Variants in VIRMA observed in about 807,000 individuals in gnomAD.
The protein encoded by VIRMA is protein virilizer homolog.
VIRMA carries 65 observed loss-of-function variants against 182.4 expected under a neutral mutation model. The ratio of observed to expected loss-of-function variants is 0.36; its 90% CI spans 0.29 to 0.44. VIRMA has a LOEUF of 0.44. Ranked by LOEUF, VIRMA falls within the 20% of genes least tolerant of loss-of-function variation. The pLI is 1.00. For synonymous variants in VIRMA, 709 were observed against 743.1 expected (o/e 0.95, Z 0.75); for missense variants, 1,752 against 2,158.1 (o/e 0.81, Z 3.73).
intron 1 of VIRMA, among the ~76,000 whole-genome samples, chr8:94,552,841 G>A (rs558715552): frequency 1.3e-5 from 2 of 152,242 alleles, no homozygotes; most frequent in South Asian, 2.1e-4. Flanking sequence ...CCTAATGTGT[G>A]AAATCTCTCC....
intron 11 of VIRMA, chr8:94,512,386 AT>A (rs1814410228): frequency 1.8e-5 from 3 of 162,686 alleles, no homozygotes; most frequent in Admixed American, 1.3e-4. Context: ...AAAGAAATGT[AT>A]GAAACTCCCT....
chr8:94,521,040 CTCTTT>C (rs1165979897), intron 8 of VIRMA, among the ~76,000 whole-genome samples: 1 of 78,572 alleles, frequency 1.3e-5, no homozygotes, highest in Non-Finnish European at 2.5e-5. Context: ...ACTTTTTTAT[CTCTTT>C]TTTTTTTTTA....
chr8:94,511,598 T>G lies in VIRMA; in HGVS notation c.2977A>C (p.Met993Leu), dbSNP rs749361743. 6.8e-6 allele frequency: 11 copies of G among 1,614,142 alleles called. No homozygotes were observed. The highest frequency in any genetic ancestry group is 2.2e-5 in the East Asian group (1 of 44,878). Reference protein sequence around the residue: ...LTQPWRLHVNMGTTLHRVTTI... With the variant: ...LTQPWRLHVNLGTTLHRVTTI... Reference sequence around the variant, plus strand: ...GTAACTCTGTGAAGGGTAGTCCCCATGTTGACATGGAGCCTCCAAGGCTGA... The same window carrying G: ...GTAACTCTGTGAAGGGTAGTCCCCAGGTTGACATGGAGCCTCCAAGGCTGA... Residue 993 changes from methionine to leucine, a missense_variant, in exon 13 of 24, where the codon ATG becomes CTG. By Grantham distance (15) the Met-to-Leu change is conservative. This residue lies in a region of VIRMA where 777 missense variants were observed against 920.6 expected (regional missense o/e 0.84). Transcript: ENST00000297591.
rs369048370 is a variant in VIRMA at position 94,496,306 on chromosome 8, G to A, written c.4383+22C>T. 66 of 1,599,220 alleles carry A rather than the reference G, an allele frequency of 4.1e-5. 1 individual carries two copies. The East Asian group carries it at 1.1e-3, about 28-fold the overall frequency. ...TGAGAGGAAAATAGGCCTTAAGAACGCTCTGTTTTTTTCTTTTTTACCAAA... is the reference window on the plus strand; with the variant it reads ...TGAGAGGAAAATAGGCCTTAAGAACACTCTGTTTTTTTCTTTTTTACCAAA... On this transcript the variant is annotated intron_variant, in intron 18 of 23. Coordinates refer to ENST00000297591, the MANE Select transcript of VIRMA (RefSeq NM_015496.5).
At chr8:94,544,752 G>T (rs1294904653) in intron 1 of VIRMA, among the ~76,000 whole-genome samples, 2 of 151,832 alleles carry the variant, frequency 1.3e-5, no homozygotes, top group South Asian at 4.2e-4. Flanking sequence ...TTCAGGGTAG[G>T]GTTTTGTGTT....
Position 94,553,391 on chromosome 8 carries a change from G to C in VIRMA, c.57C>G (p.Ser19Arg), listed in dbSNP as rs754095631. ...LLFLDTFKHP[S>R]AEQSSHIDVV... ...TCAAGTCGCCAAGCCTTACCTCAGCGCTCGGGTGTTTAAAAGTATCTAAAA... is the reference window on the plus strand; with the variant it reads ...TCAAGTCGCCAAGCCTTACCTCAGCCCTCGGGTGTTTAAAAGTATCTAAAA... The change falls in exon 1 of 24, where the codon AGC becomes AGG. Residue 19 changes from serine (S) to arginine (R), a missense_variant. Coordinates refer to ENST00000297591, the MANE Select transcript of VIRMA (RefSeq NM_015496.5). The C allele has an allele frequency of 4.3e-6, 7 of 1,614,086 alleles. No homozygotes were observed. In the Admixed American group the frequency reaches 8.3e-5, roughly 19 times the overall value.
At chr8:94,502,626 A>C (rs1044097241) in intron 16 of VIRMA, among the ~76,000 whole-genome samples, 4 of 152,118 alleles carry the variant, frequency 2.6e-5, no homozygotes, top group African/African-American at 9.7e-5. Flanking sequence ...CAATAAACAC[A>C]CCCAGAGCCC....
At position 94,551,757 on chromosome 8, in the gene VIRMA, C is replaced by T. The variant is rs1424208518; in HGVS notation, c.63+1628G>A. Reference sequence around the variant, plus strand: ...TTCTTCCTTTCGAGACAGGGTCTCACTCTGTTGCTCAGGCTGGAGCACAGT... The same window carrying T: ...TTCTTCCTTTCGAGACAGGGTCTCATTCTGTTGCTCAGGCTGGAGCACAGT... On this transcript the variant is annotated intron_variant, in intron 1 of 23. Transcript: ENST00000297591. Among the ~76,000 whole-genome samples, 3 of 152,248 alleles carry T rather than the reference C, an allele frequency of 2.0e-5. No individual in the cohort carries two copies. In the East Asian group the frequency reaches 5.8e-4, roughly 29 times the overall value.
At chr8:94,522,990 G>C (rs1814826817) in intron 8 of VIRMA, among the ~76,000 whole-genome samples, 1 of 151,790 alleles carries the variant, frequency 6.6e-6, no homozygotes, top group Non-Finnish European at 1.5e-5. Context: ...TCCTCCATAT[G>C]GTGGGAAAAA....
Position 94,494,868 on chromosome 8 carries a change from G to C in VIRMA, c.4633C>G (p.Leu1545Val). 1.3e-6 allele frequency: 2 copies of C among 1,553,596 alleles called. No individual in the cohort carries two copies. Among genetic ancestry groups the C allele is most frequent in the Non-Finnish European group, 1.8e-6 (2 of 1,130,688 alleles). Residue 1545 changes from leucine (L) to valine (V), a missense_variant, in exon 20 of 24, where the codon CTG (leucine) becomes GTG (valine). This residue lies in a region of VIRMA where 777 missense variants were observed against 920.6 expected (regional missense o/e 0.84). Coordinates refer to ENST00000297591, the MANE Select transcript of VIRMA (RefSeq NM_015496.5). ...PFQAEEIDTD[L>V]DLVKVDLIEL... ...TTAGTAATAATTTATACCAAATCCA[G>C]ATCTGTATCTATCTCTTCAGCCTGA...
At chr8:94,524,596 C>T (rs1814893963) in intron 8 of VIRMA, among the ~76,000 whole-genome samples, 1 of 152,152 alleles carries the variant, frequency 6.6e-6, no homozygotes, top group Non-Finnish European at 1.5e-5. Context: ...TGAGCCACCA[C>T]ACCCGGCTCT....
intron 8 of VIRMA, among the ~76,000 whole-genome samples, chr8:94,520,785 T>C (rs1415711776): frequency 1.3e-5 from 2 of 152,230 alleles, no homozygotes; most frequent in Non-Finnish European, 2.9e-5. Context: ...GGGATGACTG[T>C]ACTATAGAAA....
At chr8:94,524,638 G>A (rs1173284088) in intron 8 of VIRMA, among the ~76,000 whole-genome samples, 4 of 151,974 alleles carry the variant, frequency 2.6e-5, no homozygotes, top group African/African-American at 7.2e-5. Context: ...ATGGGGTTTT[G>A]CCATGTTGGC....
intron 3 of VIRMA, among the ~76,000 whole-genome samples, chr8:94,537,900 G>A (rs1434673222): frequency 6.6e-6 from 1 of 152,104 alleles, no homozygotes; most frequent in Non-Finnish European, 1.5e-5. Flanking sequence ...GCACAGTAGT[G>A]TGATATGAAA....
In VIRMA at chr8:94,526,279, C is replaced by T. The variant is rs1044849418; in HGVS notation, c.1965G>A (p.Thr655=). 36 of 1,613,930 alleles carry T rather than the reference C, an allele frequency of 2.2e-5. No individual in the cohort carries two copies. The highest frequency in any genetic ancestry group is 2.2e-4 in the East Asian group (10 of 44,870). The change falls in exon 8 of 24, where the codon ACG becomes ACA. Residue 655 remains threonine (T), a synonymous_variant. Transcript: ENST00000297591. ...MIQQPVKSFP[T]MARITGPPER... Reference sequence around the variant, plus strand: ...CTGGAGGTCCAGTAATTCGTGCCATCGTTGGGAAAGACTTAACAGGTTGTT... The same window carrying T: ...CTGGAGGTCCAGTAATTCGTGCCATTGTTGGGAAAGACTTAACAGGTTGTT...
Position 94,526,641 on chromosome 8 carries a change from G to A in VIRMA, c.1603C>T (p.Leu535=), listed in dbSNP as rs1383082679. The change falls in exon 8 of 24, where the codon CTG becomes TTG. Residue 535 remains leucine (L), a synonymous_variant. Transcript: ENST00000297591. ...QNEKSGYQKL[L]ELILLDQTVR... Reference sequence around the variant, plus strand: ...GTCTGATCTAAAAGTATGAGTTCCAGAAGCTTTTGATAACCACTTTTTTCA... The same window carrying A: ...GTCTGATCTAAAAGTATGAGTTCCAAAAGCTTTTGATAACCACTTTTTTCA... The A allele has an allele frequency of 6.2e-7, 1 of 1,614,160 alleles. No individual in the cohort carries two copies. Among genetic ancestry groups the A allele is most frequent in the Admixed American group, 1.7e-5 (1 of 60,018 alleles).
chr8:94,511,021 C>CT, intron 13 of VIRMA, 164 bp downstream of exon 13: 2 of 1,413,714 alleles, frequency 1.4e-6, no homozygotes, highest in Non-Finnish European at 1.8e-6. Flanking sequence ...CCCATATTTC[C>CT]TCAATGACCA....
At chr8:94,489,220 A>G (rs947165371) in intron 23 of VIRMA, among the ~76,000 whole-genome samples, 10 of 152,248 alleles carry the variant, frequency 6.6e-5, no homozygotes, top group African/African-American at 2.2e-4. Context: ...GTATAAAGGT[A>G]TCTCTGTTAT....
At chr8:94,526,084 CT>C in intron 8 of VIRMA, 138 bp downstream of exon 8, 1 of 669,834 alleles carries the variant, frequency 1.5e-6, no homozygotes, top group Non-Finnish European at 2.5e-6. Context: ...AGTTCCACTA[CT>C]AAATAACCGT....
Sources: gnomAD v4.1 joint callset for allele counts (sites outside exome capture counted in the v4.1 genomes callset) on GRCh38, gnomAD v4.1.1 for gene constraint, gnomAD v4.1.1 regional missense constraint, MANE v1.5 for transcripts, NCBI Gene and HGNC (gene_info 2026-07-23, HGNC 2026-07-21) for gene names.